Variants in CSMD3 observed in about 807,000 individuals in gnomAD.
CSMD3 encodes the protein CUB and sushi domain-containing protein 3.
Under a neutral mutation model 435.2 loss-of-function variants are expected in CSMD3, and 177 were observed. The observed-to-expected ratio is 0.41, with a 90% CI of 0.36 to 0.46. The LOEUF (loss-of-function observed/expected upper bound fraction) is 0.46, where lower values mean the gene tolerates loss of function less well. CSMD3 is among the 20% of genes least tolerant of loss of function. The pLI, the probability that CSMD3 is intolerant of heterozygous loss-of-function variation, is 0.34. For synonymous variants in CSMD3, 1,656 were observed against 1,520.5 expected, an observed-to-expected ratio of 1.09 and a Z score of -2.07; for missense variants, 4,265 against 4,504.6, an observed-to-expected ratio of 0.95 and a Z score of 1.52.
chr8:113,018,392 A>T (rs927482639), intron 6 of CSMD3, among the ~76,000 whole-genome samples: 1 of 152,078 alleles, frequency 6.6e-6, no homozygotes, highest in African/African-American at 2.4e-5. Context: ...AAATGGAAGA[A>T]TGTAACTGTG....
At chr8:113,183,049 C>T (rs184102268) in intron 3 of CSMD3, among the ~76,000 whole-genome samples, 51 of 152,116 alleles carry the variant, frequency 3.4e-4, no homozygotes, top group African/African-American at 1.1e-3. Context: ...ATAGATCCTG[C>T]CGGACAGAGA....
At chr8:112,781,224 G>A (rs1472961947) in intron 13 of CSMD3, among the ~76,000 whole-genome samples, 1 of 152,058 alleles carries the variant, frequency 6.6e-6, no homozygotes, top group Non-Finnish European at 1.5e-5. Context: ...GGCCTGGAAG[G>A]ATTCTGCATA....
intron 7 of CSMD3, among the ~76,000 whole-genome samples, chr8:112,975,099 T>C (rs1377553775): frequency 6.6e-6 from 1 of 151,990 alleles, no homozygotes; most frequent in Non-Finnish European, 1.5e-5. Context: ...CAGAAAAATG[T>C]ATTTTCTAGA....
At chr8:112,583,818 T>A (rs1038211056) in intron 23 of CSMD3, among the ~76,000 whole-genome samples, 1 of 151,958 alleles carries the variant, frequency 6.6e-6, no homozygotes, top group African/African-American at 2.4e-5. Flanking sequence ...TCCTAAATGA[T>A]CATTTTGTAC....
intron 11 of CSMD3, among the ~76,000 whole-genome samples, chr8:112,844,574 C>G (rs969353780): frequency 6.6e-6 from 1 of 151,984 alleles, no homozygotes; most frequent in African/African-American, 2.4e-5. Flanking sequence ...CTTCCCCCAA[C>G]CTGCTTCCTA....
chr8:112,569,537 T>C (rs1263113289), intron 24 of CSMD3, among the ~76,000 whole-genome samples: 1 of 152,188 alleles, frequency 6.6e-6, no homozygotes, highest in Non-Finnish European at 1.5e-5. Flanking sequence ...TGTTCTAACA[T>C]ACTTTTTTCA....
At chr8:112,241,001 A>G (rs1814075363) in intron 66 of CSMD3, among the ~76,000 whole-genome samples, 1 of 152,010 alleles carries the variant, frequency 6.6e-6, no homozygotes, top group Non-Finnish European at 1.5e-5. Flanking sequence ...CTTTCTTTTT[A>G]AATTGCCTAG....
At chr8:112,954,416 T>C (rs964991113) in intron 8 of CSMD3, among the ~76,000 whole-genome samples, 1 of 151,570 alleles carries the variant, frequency 6.6e-6, no homozygotes. Context: ...TCCTCAAGAC[T>C]TAAGATCAAA....
At chr8:113,016,985 A>G (rs1488037699) in intron 6 of CSMD3, among the ~76,000 whole-genome samples, 2 of 151,986 alleles carry the variant, frequency 1.3e-5, no homozygotes, top group African/African-American at 2.4e-5. Context: ...CTAAATTAGG[A>G]AAGTTTTAAA....
At chr8:112,428,515 AGAACT>A (rs1813318590) in intron 32 of CSMD3, among the ~76,000 whole-genome samples, 1 of 152,212 alleles carries the variant, frequency 6.6e-6, no homozygotes, top group South Asian at 2.1e-4. Flanking sequence ...ATATTTATTG[AGAACT>A]GATAATGTAC....
At chr8:112,954,974 G>A (rs993270849) in intron 7 of CSMD3, among the ~76,000 whole-genome samples, 2 of 151,450 alleles carry the variant, frequency 1.3e-5, no homozygotes, top group Non-Finnish European at 3.0e-5. Context: ...ATTCTACAGG[G>A]AAAATCCTGC....
At chr8:113,390,376 T>C (rs2094456635) in intron 1 of CSMD3, among the ~76,000 whole-genome samples, 1 of 151,836 alleles carries the variant, frequency 6.6e-6, no homozygotes, top group African/African-American at 2.4e-5. Context: ...CCTAACTTCT[T>C]AAATTGAAGA....
At chr8:113,169,577 T>C (rs2092229252) in intron 4 of CSMD3, among the ~76,000 whole-genome samples, 1 of 152,200 alleles carries the variant, frequency 6.6e-6, no homozygotes, top group Admixed American at 6.6e-5. Flanking sequence ...ACATTTCTAA[T>C]TTAGCCATAT....
chr8:112,842,662 A>AT (rs2080213204), intron 11 of CSMD3, among the ~76,000 whole-genome samples: 1 of 151,804 alleles, frequency 6.6e-6, no homozygotes. Context: ...TTTGGTGGTG[A>AT]TCTGTGATTC....
At position 112,765,986 on chromosome 8, in the gene CSMD3, C is replaced by T. The variant is rs141638814; in HGVS notation, c.1972+34176G>A. Reference sequence around the variant, plus strand: ...CCTAAAGTGTTTAGTTTCTTTTATGCCTCAGAGCTAACCTTCCCCATACTG... The same window carrying T: ...CCTAAAGTGTTTAGTTTCTTTTATGTCTCAGAGCTAACCTTCCCCATACTG... On this transcript the variant is annotated intron_variant, in intron 13 of 70. Transcript: ENST00000297405. Among the ~76,000 whole-genome samples the T allele has an allele frequency of 3.4e-3, 515 of 151,670 alleles. 4 individuals are homozygous for T. The highest frequency in any genetic ancestry group is 0.011 in the African/African-American group (446 of 41,444).
intron 10 of CSMD3, among the ~76,000 whole-genome samples, chr8:112,864,710 G>A (rs1271460624): frequency 6.6e-6 from 1 of 151,748 alleles, no homozygotes; most frequent in Non-Finnish European, 1.5e-5. Flanking sequence ...ACAATGAAGG[G>A]GCATTAAATA....
intron 40 of CSMD3, among the ~76,000 whole-genome samples, chr8:112,347,743 T>C (rs1385161001): frequency 6.6e-6 from 1 of 152,234 alleles, no homozygotes; most frequent in East Asian, 1.9e-4. Flanking sequence ...TAAATTCAAT[T>C]GTTCACACAT....
At chr8:112,731,860 A>T (rs2077082072) in intron 13 of CSMD3, among the ~76,000 whole-genome samples, 1 of 152,166 alleles carries the variant, frequency 6.6e-6, no homozygotes, top group Non-Finnish European at 1.5e-5. Context: ...TATTGAAAGA[A>T]AACTGTCAAT....
chr8:113,318,358 C>T (rs982135173), intron 1 of CSMD3, among the ~76,000 whole-genome samples: 21 of 152,140 alleles, frequency 1.4e-4, no homozygotes, highest in Non-Finnish European at 1.9e-4. Flanking sequence ...GGAACACATA[C>T]AGAGAGTAAA....
Sources: gnomAD v4.1 joint callset for allele counts (sites outside exome capture counted in the v4.1 genomes callset) on GRCh38, gnomAD v4.1.1 for gene constraint, MANE v1.5 for transcripts, NCBI Gene and HGNC (gene_info 2026-07-23, HGNC 2026-07-21) for gene names.